The following DPH5 variants were observed in gnomAD, a reference collection of about 807,000 sequenced individuals.
DPH5 encodes the protein diphthine methyl ester synthase.
In DPH5, 31 loss-of-function variants were observed where a neutral mutation model predicts 31.6. The ratio of observed to expected loss-of-function variants is 0.98; its 90% CI spans 0.74 to 1.32. The LOEUF (loss-of-function observed/expected upper bound fraction) is 1.32. Ranked by LOEUF, DPH5 falls within the 40% of genes most tolerant of loss-of-function variation. The pLI is 0.00. For missense variants in DPH5, 309 were observed against 335.7 expected (o/e 0.92, Z 0.62); for synonymous variants, 120 against 115.0 (o/e 1.04, Z -0.28).
At chr1:101,006,001 T>C (rs1441037683) in intron 4 of DPH5, among the ~76,000 whole-genome samples, 1 of 151,932 alleles carries the variant, frequency 6.6e-6, no homozygotes. Flanking sequence ...TAAAGGGATT[T>C]CCCCCGTTTA....
intron 3 of DPH5, among the ~76,000 whole-genome samples, chr1:101,017,958 C>T (rs2101280312): frequency 6.6e-6 from 1 of 152,222 alleles, no homozygotes; most frequent in South Asian, 2.1e-4. Context: ...AAAACTGGCT[C>T]AAAATTACAT....
At chr1:100,996,423 G>C (rs1344568772) in intron 5 of DPH5, among the ~76,000 whole-genome samples, 1 of 152,146 alleles carries the variant, frequency 6.6e-6, no homozygotes, top group Non-Finnish European at 1.5e-5. Flanking sequence ...TTTAATCAAG[G>C]AGTGCATTCG....
chr1:100,993,267 T>C (rs1209058565), intron 6 of DPH5, among the ~76,000 whole-genome samples: 1 of 151,974 alleles, frequency 6.6e-6, no homozygotes, highest in Non-Finnish European at 1.5e-5. Context: ...ATATAGCCAT[T>C]GCAGGCCAGG....
chr1:101,017,821 TA>T (rs1255277799), intron 3 of DPH5, among the ~76,000 whole-genome samples: 2 of 152,232 alleles, frequency 1.3e-5, no homozygotes, highest in East Asian at 3.8e-4. Flanking sequence ...AATAAGCTTT[TA>T]AAAAATAACA....
Position 101,014,752 on chromosome 1 carries a change from C to T in DPH5, c.261-934G>A, listed in dbSNP as rs544576714. On this transcript the variant is annotated intron_variant, in intron 3 of 7. Transcript: ENST00000370109. ...AACCTCTTTCAAAACTGGAGCCAAT[C>T]TTCTCAAACCCTGCTAGTAATCTAT... 9.8e-4 allele frequency among the ~76,000 whole-genome samples: 150 copies of T among 152,320 alleles called. 1 individual carries two copies. Among genetic ancestry groups the T allele is most frequent in the African/African-American group, 3.3e-3 (136 of 41,582 alleles).
intron 4 of DPH5, among the ~76,000 whole-genome samples, chr1:101,004,338 A>T (rs1441258304): frequency 6.6e-6 from 1 of 152,226 alleles, no homozygotes; most frequent in East Asian, 1.9e-4. Flanking sequence ...TCACACAGTG[A>T]TGAGAACTGA....
chr1:100,993,559 AATATATATATATATATATATATATATAT>A (rs10527775), intron 6 of DPH5, among the ~76,000 whole-genome samples: 14 of 56,536 alleles, frequency 2.5e-4, no homozygotes, highest in South Asian at 9.0e-4. Flanking sequence ...CGAAAATATA[AATATATATATATATATATATATATATAT>A]ATATATATAT....
chr1:101,024,137 T>C (rs905023520), intron 2 of DPH5, among the ~76,000 whole-genome samples: 1 of 152,172 alleles, frequency 6.6e-6, no homozygotes, highest in African/African-American at 2.4e-5. Context: ...CTGGGTGTGG[T>C]TGCTTGTGCC....
intron 2 of DPH5, among the ~76,000 whole-genome samples, chr1:101,022,130 T>C (rs1660503442): frequency 6.6e-6 from 1 of 152,156 alleles, no homozygotes; most frequent in South Asian, 2.1e-4. Flanking sequence ...CATGATGTAA[T>C]ACAGAATAAA....
At chr1:101,008,376 C>T (rs1659386941) in intron 4 of DPH5, among the ~76,000 whole-genome samples, 1 of 152,196 alleles carries the variant, frequency 6.6e-6, no homozygotes, top group African/African-American at 2.4e-5. Flanking sequence ...AACCAACATT[C>T]TCATCCAGTC....
At chr1:101,017,118 G>A (rs569447206) in intron 3 of DPH5, among the ~76,000 whole-genome samples, 62 of 152,242 alleles carry the variant, frequency 4.1e-4, no homozygotes, top group African/African-American at 1.5e-3. Flanking sequence ...CACAGAGACA[G>A]GAAGTGAGAA....
chr1:100,992,695 T>C lies in DPH5; in HGVS notation c.576A>G (p.Gln192=), dbSNP rs1217677641. The change falls in exon 7 of 8, where the codon CAA becomes CAG. Residue 192 remains glutamine (Q), a synonymous_variant. Transcript: ENST00000370109. ...CAATCTCCAGAAGCTGCTGGGCTGC[T>C]TGGTTTACACTCATATACCGTGGAG... ...YEPPRYMSVN[Q]AAQQLLEIVQ... 6.2e-7 allele frequency: 1 copy of C among 1,613,990 alleles called. No individual in the cohort carries two copies. The highest frequency in any genetic ancestry group is 1.1e-5 in the South Asian group (1 of 91,074).
chr1:100,992,613 G>C (rs755846741), intron 7 of DPH5, 24 bp downstream of exon 7: 28 of 1,539,514 alleles, frequency 1.8e-5, no homozygotes, highest in African/African-American at 2.7e-5. Context: ...AATAATATGA[G>C]AGCCCTTCTA....
In DPH5 at chr1:100,992,722, T is replaced by C. The variant is rs2101137146; in HGVS notation, c.549A>G (p.Glu183=). The change falls in exon 7 of 8, where the codon GAA becomes GAG. Residue 183 remains glutamate (E), a synonymous_variant. Coordinates refer to ENST00000370109, the MANE Select transcript of DPH5 (RefSeq NM_015958.3). ...GGTTTACACTCATATACCGTGGAGG[T>C]TCATAGATCTTCCTTCCCCTATAGG... The part of the protein sequence containing the change: ...ENLIKGRKIY[E]PPRYMSVNQA... 6.2e-7 allele frequency: 1 copy of C among 1,612,656 alleles called. No individual in the cohort carries two copies. Among genetic ancestry groups the C allele is most frequent in the East Asian group, 2.2e-5 (1 of 44,828 alleles).
intron 3 of DPH5, among the ~76,000 whole-genome samples, chr1:101,018,116 A>T (rs1258605281): frequency 2.0e-5 from 3 of 152,212 alleles, no homozygotes; most frequent in African/African-American, 7.2e-5. Flanking sequence ...CTGTAATAAC[A>T]TGCTTGTTAC....
At chr1:101,005,744 T>C (rs943416971) in intron 4 of DPH5, among the ~76,000 whole-genome samples, 1 of 152,242 alleles carries the variant, frequency 6.6e-6, no homozygotes, top group Admixed American at 6.5e-5. Context: ...ATTATATGCA[T>C]GGCACTGTGA....
intron 7 of DPH5, among the ~76,000 whole-genome samples, chr1:100,991,839 G>A (rs1180512440): frequency 6.6e-6 from 1 of 151,172 alleles, no homozygotes; most frequent in Non-Finnish European, 1.5e-5. Flanking sequence ...GTTCACACCT[G>A]TAATCCCAAC....
chr1:100,995,272 G>A, intron 5 of DPH5, 123 bp from the exon 6 acceptor site: 1 of 567,048 alleles, frequency 1.8e-6, no homozygotes, highest in Non-Finnish European at 3.2e-6. Context: ...ATTTTAATTA[G>A]CCACTTTCTT....
intron 6 of DPH5, among the ~76,000 whole-genome samples, chr1:100,993,278 C>T (rs912609583): frequency 7.9e-5 from 12 of 151,896 alleles, no homozygotes; most frequent in Non-Finnish European, 1.6e-4. Context: ...GCAGGCCAGG[C>T]GTGGTGGCTC....
Sources: allele counts gnomAD v4.1 joint callset (sites outside exome capture counted in the v4.1 genomes callset), GRCh38; gene constraint gnomAD v4.1.1; transcripts MANE v1.5; gene names NCBI Gene and HGNC (gene_info 2026-07-23, HGNC 2026-07-21).